PLXDC1: variants seen among roughly 807,000 people sequenced by gnomAD.
PLXDC1 encodes plexin domain containing 1.
PLXDC1 carries 39 observed loss-of-function variants against 61.3 expected under a neutral mutation model. The observed-to-expected ratio is 0.64, with a 90% confidence interval of 0.49 to 0.83. The LOEUF (loss-of-function observed/expected upper bound fraction) is 0.83, where lower values mean the gene tolerates loss of function less well. Among genes scored for constraint, PLXDC1 ranks in the 40% least tolerant of loss-of-function variants. The pLI is 0.00. For missense variants in PLXDC1, 596 were observed against 666.5 expected (o/e 0.89, Z 1.17); for synonymous variants, 212 against 254.5 (o/e 0.83, Z 1.59).
chr17:39,071,007 C>T (rs1435463314), intron 12 of PLXDC1, among the ~76,000 whole-genome samples: 6 of 152,090 alleles, frequency 3.9e-5, no homozygotes, highest in African/African-American at 1.4e-4. Context: ...AACTGGCAGG[C>T]CCGTCAGAGA....
At chr17:39,084,898 C>A (rs1158498428) in intron 8 of PLXDC1, among the ~76,000 whole-genome samples, 1 of 152,200 alleles carries the variant, frequency 6.6e-6, no homozygotes, top group African/African-American at 2.4e-5. Context: ...CTTGAATGAA[C>A]CAGATGACCT....
chr17:39,086,376 G>C (rs1305284939), intron 8 of PLXDC1, among the ~76,000 whole-genome samples: 2 of 152,162 alleles, frequency 1.3e-5, no homozygotes, highest in Non-Finnish European at 1.5e-5. Flanking sequence ...GACACCTGCT[G>C]AGCCCTGTCT....
intron 2 of PLXDC1, among the ~76,000 whole-genome samples, chr17:39,128,088 T>TATGTATATATATATATATATATA (rs1213213801): frequency 0.049 from 5,117 of 104,538 alleles, 465 homozygotes; most frequent in Middle Eastern, 0.14. Flanking sequence ...TCTCTCTCTC[T>TATGTATATATATATATATATATA]CTCTATGTGT....
intron 2 of PLXDC1, among the ~76,000 whole-genome samples, chr17:39,131,037 G>A (rs561571212): frequency 2.0e-5 from 3 of 152,270 alleles, no homozygotes; most frequent in East Asian, 1.9e-4. Flanking sequence ...GTTGTGACCC[G>A]AAGCGGAGGG....
rs779072478 is a variant in PLXDC1, at chr17:39,109,249, G to A, written c.398C>T (p.Ser133Leu). ...ATGGCTGGCGACTGGGGCACTCACC[G>A]AAGCCTGCCGGTGGGTGTTGGAGAG... ...TILSNTHRQASRVVLSFDFPF... is the reference protein window; with the variant it reads ...TILSNTHRQALRVVLSFDFPF... The change falls in exon 3 of 14, where the codon TCG becomes TTG. Residue 133 changes from serine (S) to leucine (L), a missense_variant and splice_region_variant. Ser to Leu is a moderately radical substitution (Grantham distance 145). Coordinates refer to ENST00000315392, the MANE Select transcript of PLXDC1 (RefSeq NM_020405.5). 4.4e-6 allele frequency: 7 copies of A among 1,604,610 alleles called. No individual in the cohort carries two copies. Among genetic ancestry groups the A allele is most frequent in the South Asian group, 1.1e-5 (1 of 90,168 alleles).
chr17:39,119,503 G>C (rs777160962), intron 2 of PLXDC1, among the ~76,000 whole-genome samples: 15 of 152,166 alleles, frequency 9.9e-5, no homozygotes, highest in Non-Finnish European at 1.8e-4. Flanking sequence ...CTGGTACTTT[G>C]GGAGACCCAG....
chr17:39,136,718 C>T (rs958813715), intron 2 of PLXDC1, among the ~76,000 whole-genome samples: 1 of 151,966 alleles, frequency 6.6e-6, no homozygotes, highest in Non-Finnish European at 1.5e-5. Context: ...AAAAAAAGAA[C>T]AGGATGCTTT....
intron 3 of PLXDC1, 84 bp from the exon 4 acceptor site, chr17:39,109,057 CAG>C (rs1197708704): frequency 2.1e-5 from 27 of 1,308,638 alleles, no homozygotes; most frequent in Non-Finnish European, 2.8e-5. Flanking sequence ...CTTGTTTGGA[CAG>C]AGTGGGGAGC....
chr17:39,101,358 A>G (rs1910413507), intron 7 of PLXDC1, among the ~76,000 whole-genome samples: 2 of 152,130 alleles, frequency 1.3e-5, no homozygotes, highest in Non-Finnish European at 2.9e-5. Context: ...TTTATATCCA[A>G]GTCTAGGCCA....
In PLXDC1 at chr17:39,067,068, GTAAC is replaced by G. The variant is rs1204517077; in HGVS notation, c.*768_*771del. ...CTACAGAGCAGACCATTGACAGCCT[GTAAC>G]TGAGTCCAAATTCATTCTGCTTGCT... On this transcript the variant is annotated 3_prime_UTR_variant, in exon 14 of 14. Coordinates refer to ENST00000315392, the MANE Select transcript of PLXDC1 (RefSeq NM_020405.5). The G allele has an allele frequency of 6.6e-6, 1 of 152,226 alleles. No individual in the cohort carries two copies. The highest frequency in any genetic ancestry group is 1.9e-4 in the East Asian group (1 of 5,194). 9.4% of individuals were successfully genotyped at this position (152,226 alleles called of 1,614,324 possible). A position where few individuals can be genotyped will look rare whatever the true frequency, so the allele number is the denominator to read the frequency against.
Position 39,064,501 on chromosome 17 carries a change from A to G in PLXDC1, c.*3339T>C, listed in dbSNP as rs1908822138. ...CTCCCCAGAGTAAAAAATGGCAGCAAATAAATGTTAGATCACAGCCTCTTC... is the reference window on the plus strand; with the variant it reads ...CTCCCCAGAGTAAAAAATGGCAGCAGATAAATGTTAGATCACAGCCTCTTC... On this transcript the variant is annotated 3_prime_UTR_variant, in exon 14 of 14. Coordinates refer to ENST00000315392, the MANE Select transcript of PLXDC1 (RefSeq NM_020405.5). The G allele has an allele frequency of 1.3e-5, 2 of 152,214 alleles. No individual in the cohort carries two copies. The highest frequency in any genetic ancestry group is 2.9e-5 in the Non-Finnish European group (2 of 68,052). 9.4% of individuals were successfully genotyped at this position (152,214 alleles called of 1,614,324 possible). A position where few individuals can be genotyped will look rare whatever the true frequency, so the allele number is the denominator to read the frequency against.
At chr17:39,107,314 G>A in intron 6 of PLXDC1, 93 bp downstream of exon 6, 2 of 751,238 alleles carry the variant, frequency 2.7e-6, no homozygotes, top group Non-Finnish European at 4.5e-6. Context: ...CCAGCAGCAA[G>A]CCCCATGCCT....
chr17:39,132,997 C>G (rs910149011), intron 2 of PLXDC1, among the ~76,000 whole-genome samples: 4 of 152,120 alleles, frequency 2.6e-5, no homozygotes, highest in African/African-American at 9.7e-5. Context: ...CCAAATCAAA[C>G]TTGCTGAAAC....
chr17:39,123,818 AG>A (rs1478757898), intron 2 of PLXDC1, among the ~76,000 whole-genome samples: 2 of 152,162 alleles, frequency 1.3e-5, no homozygotes, highest in African/African-American at 4.8e-5. Context: ...ACTCTGGCTA[AG>A]CTGTCACAGT....
intron 1 of PLXDC1, among the ~76,000 whole-genome samples, chr17:39,150,568 G>A (rs1457019407): frequency 6.6e-6 from 1 of 152,188 alleles, no homozygotes; most frequent in Non-Finnish European, 1.5e-5. Context: ...ATTATACCAT[G>A]AGGGATTCCA....
chr17:39,152,151 C>T (rs1279938674), upstream of PLXDC1, among the ~76,000 whole-genome samples: 2 of 146,546 alleles, frequency 1.4e-5, no homozygotes, highest in African/African-American at 2.5e-5. Context: ...GCCTGAATCC[C>T]ACCCCCCTTC....
At chr17:39,109,446 A>T in intron 2 of PLXDC1, 55 bp from the exon 3 acceptor site, 1 of 1,535,678 alleles carries the variant, frequency 6.5e-7, no homozygotes, top group Non-Finnish European at 8.8e-7. Flanking sequence ...GCATGCCAGG[A>T]CTGACTCTCC....
At chr17:39,094,329 G>A (rs1325625944) in intron 7 of PLXDC1, among the ~76,000 whole-genome samples, 1 of 152,148 alleles carries the variant, frequency 6.6e-6, no homozygotes, top group East Asian at 1.9e-4. Flanking sequence ...AAATAAACAT[G>A]AAACTCCAAG....
At position 39,105,792 on chromosome 17, in the gene PLXDC1, A is replaced by C. The variant is rs555890730; in HGVS notation, c.811+62T>G. On this transcript the variant is annotated intron_variant, in intron 7 of 13. Transcript: ENST00000315392. The stretch of plus-strand genomic sequence containing the variant: ...GCCACTGCCATCCCCCCAGCAGCTC[A>C]GGTTCAGTCTGAGCGGAGTCCTACC... The C allele has an allele frequency of 2.7e-5, 27 of 1,014,972 alleles. No homozygotes were observed. In the East Asian group the frequency reaches 6.2e-4, roughly 23 times the overall value. The allele number at this position is 1,014,972 out of a possible 1,614,324, so 62.9% of individuals were successfully genotyped here.
Sources: gnomAD v4.1 joint callset for allele counts (sites outside exome capture counted in the v4.1 genomes callset) on GRCh38, gnomAD v4.1.1 for gene constraint, MANE v1.5 for transcripts, NCBI Gene and HGNC (gene_info 2026-07-23, HGNC 2026-07-21) for gene names.